The following RAB22A variants were observed in gnomAD, a reference collection of about 807,000 sequenced individuals.
RAB22A encodes RAB22A, member RAS oncogene family.
In RAB22A, 13 loss-of-function variants were observed where a neutral mutation model predicts 30.2. That is an observed-to-expected ratio of 0.43 (90% confidence interval 0.28 to 0.68). The LOEUF is 0.68. Ranked by LOEUF, RAB22A falls within the 30% of genes least tolerant of loss-of-function variation. The probability of loss-of-function intolerance (pLI) is 0.18; values close to 1 mark genes in which losing one functional copy is unlikely to be tolerated. For missense variants in RAB22A, 177 were observed against 246.8 expected (o/e 0.72, Z 1.89); for synonymous variants, 89 against 87.2 (o/e 1.02, Z -0.11).
rs578080633 is a variant in RAB22A at position 58,361,313 on chromosome 20, C to A, written c.*1610C>A. 99 of 152,596 alleles carry A rather than the reference C, an allele frequency of 6.5e-4. No individual in the cohort carries two copies. The highest frequency in any genetic ancestry group is 2.2e-3 in the African/African-American group (93 of 41,510). The allele number at this position is 152,596 out of a possible 1,614,324, so 9.5% of individuals were successfully genotyped here. ...AAAATAATTGGTATTATTTTGTGCC[C>A]CCCACTTAATATGGATAGATTTTAA... is the stretch of plus-strand genomic sequence containing the variant. On this transcript the variant is annotated 3_prime_UTR_variant, in exon 7 of 7. Coordinates refer to ENST00000244040, the MANE Select transcript of RAB22A (RefSeq NM_020673.3).
At chr20:58,338,751 C>A (rs1047737127) in intron 2 of RAB22A, among the ~76,000 whole-genome samples, 1 of 152,228 alleles carries the variant, frequency 6.6e-6, no homozygotes, top group African/African-American at 2.4e-5. Context: ...TCCCTTGATA[C>A]CTCTGTTAGA....
intron 2 of RAB22A, among the ~76,000 whole-genome samples, chr20:58,326,961 T>C (rs1986579779): frequency 6.6e-6 from 1 of 152,178 alleles, no homozygotes; most frequent in Admixed American, 6.5e-5. Context: ...TGCCAATTTT[T>C]AGGATGAGGA....
At chr20:58,350,425 C>T (rs1987028941) in intron 3 of RAB22A, among the ~76,000 whole-genome samples, 1 of 152,100 alleles carries the variant, frequency 6.6e-6, no homozygotes, top group Non-Finnish European at 1.5e-5. Flanking sequence ...TTTAGTGAAA[C>T]ATAACTCACA....
At chr20:58,355,873 G>C (rs190072444) in intron 6 of RAB22A, among the ~76,000 whole-genome samples, 1 of 152,142 alleles carries the variant, frequency 6.6e-6, no homozygotes, top group African/African-American at 2.4e-5. Context: ...GTAAATAGCA[G>C]GTACCCAGAT....
intron 2 of RAB22A, among the ~76,000 whole-genome samples, chr20:58,330,275 T>G (rs954910799): frequency 6.6e-6 from 1 of 152,356 alleles, no homozygotes; most frequent in African/African-American, 2.4e-5. Context: ...GATACTGTCC[T>G]TAATTCTAGA....
At chr20:58,340,653 CAAAG>C (rs1986839812) in intron 2 of RAB22A, among the ~76,000 whole-genome samples, 1 of 152,092 alleles carries the variant, frequency 6.6e-6, no homozygotes, top group African/African-American at 2.4e-5. Flanking sequence ...CCCCTACACT[CAAAG>C]AACTTAAAAT....
intron 6 of RAB22A, among the ~76,000 whole-genome samples, chr20:58,358,761 G>T (rs535041837): frequency 6.6e-6 from 1 of 152,054 alleles, no homozygotes; most frequent in South Asian, 2.1e-4. Context: ...CGGGCGTGGC[G>T]GTACACGCCT....
chr20:58,343,135 G>A (rs1191539602), intron 2 of RAB22A, among the ~76,000 whole-genome samples: 1 of 152,114 alleles, frequency 6.6e-6, no homozygotes, highest in African/African-American at 2.4e-5. Context: ...CCGTTTTGTC[G>A]ATGAAATGCA....
chr20:58,354,494 C>T (rs992095662), intron 6 of RAB22A, among the ~76,000 whole-genome samples: 1 of 152,068 alleles, frequency 6.6e-6, no homozygotes, highest in Non-Finnish European at 1.5e-5. Context: ...AAATAATGCA[C>T]AGGGTACTGA....
rs573945266 is a variant in RAB22A at position 58,354,373 on chromosome 20, T to C, written c.487+108T>C. 13 of 688,464 alleles carry C rather than the reference T, an allele frequency of 1.9e-5. No homozygotes were observed. In the African/African-American group the frequency reaches 2.2e-4, roughly 11 times the overall value. The allele number at this position is 688,464 out of a possible 1,614,324, so 42.6% of individuals were successfully genotyped here. A position where few individuals can be genotyped will look rare whatever the true frequency, so the allele number is the denominator to read the frequency against. ...ACTTAGAGCAGTCTAGTCTCTGATA[T>C]TGTGATCAGTGAAATGAAGTTGGAG... On this transcript the variant is annotated intron_variant, in intron 6 of 6. Coordinates refer to ENST00000244040, the MANE Select transcript of RAB22A (RefSeq NM_020673.3).
At chr20:58,342,648 C>CAAAAAAAAA (rs10709063) in intron 2 of RAB22A, among the ~76,000 whole-genome samples, 1 of 124,038 alleles carries the variant, frequency 8.1e-6, no homozygotes, top group African/African-American at 2.8e-5. Flanking sequence ...TACAATTTGG[C>CAAAAAAAAA]AAAAAAAAAA....
chr20:58,359,171 A>G (rs921969396), intron 6 of RAB22A, among the ~76,000 whole-genome samples: 2 of 152,190 alleles, frequency 1.3e-5, no homozygotes, highest in African/African-American at 4.8e-5. Context: ...GAACTTTTTA[A>G]AAAACAAATC....
At chr20:58,327,203 T>A (rs1344694313) in intron 2 of RAB22A, among the ~76,000 whole-genome samples, 1 of 152,250 alleles carries the variant, frequency 6.6e-6, no homozygotes, top group Non-Finnish European at 1.5e-5. Context: ...ATTTTGTTTT[T>A]CTCTTATGTT....
chr20:58,348,424 A>G (rs1032402588), intron 3 of RAB22A, among the ~76,000 whole-genome samples: 1 of 152,242 alleles, frequency 6.6e-6, no homozygotes, highest in Non-Finnish European at 1.5e-5. Flanking sequence ...GAACAAGTGT[A>G]GTGGCTTAGT....
chr20:58,322,040 C>A (rs6100023), intron 2 of RAB22A, among the ~76,000 whole-genome samples: 12,443 of 152,258 alleles, frequency 0.082, 569 homozygotes, highest in African/African-American at 0.12. Flanking sequence ...TCAAGCCATC[C>A]TCCTGCTGTG....
rs551435180 is a variant in RAB22A, at chr20:58,355,277, G to A, written c.487+1012G>A. Among the ~76,000 whole-genome samples the A allele has an allele frequency of 5.0e-4, 76 of 152,346 alleles. No individual in the cohort carries two copies. In the Middle Eastern group the frequency reaches 0.01, roughly 20 times the overall value. On this transcript the variant is annotated intron_variant, in intron 6 of 6. Transcript: ENST00000244040. ...TGACCCATGAGCAGAGCAGGCCCAG[G>A]TGAAGCCTTGGGAACCCCAGCTCAG... is the stretch of plus-strand genomic sequence containing the variant.
At chr20:58,336,259 G>A (rs981192674) in intron 2 of RAB22A, among the ~76,000 whole-genome samples, 31 of 152,122 alleles carry the variant, frequency 2.0e-4, no homozygotes, top group African/African-American at 6.8e-4. Flanking sequence ...TGATCCACTC[G>A]CCTTGGCCTT....
At chr20:58,329,027 C>T (rs1260117865) in intron 2 of RAB22A, among the ~76,000 whole-genome samples, 2 of 151,358 alleles carry the variant, frequency 1.3e-5, no homozygotes, top group African/African-American at 4.9e-5. Context: ...TATTTGTTTA[C>T]CTAGGGTAAT....
chr20:58,343,251 G>T (rs753529533), intron 2 of RAB22A, among the ~76,000 whole-genome samples: 2 of 152,060 alleles, frequency 1.3e-5, no homozygotes, highest in Non-Finnish European at 2.9e-5. Flanking sequence ...TTATTAATTC[G>T]CATGTTAACA....
Sources: gnomAD v4.1 joint callset for allele counts (sites outside exome capture counted in the v4.1 genomes callset) on GRCh38, gnomAD v4.1.1 for gene constraint, MANE v1.5 for transcripts, NCBI Gene and HGNC (gene_info 2026-07-23, HGNC 2026-07-21) for gene names.